NR2F1-AS1: variants seen among roughly 807,000 people sequenced by gnomAD.
NR2F1-AS1 encodes NR2F1 regulatory antisense RNA 1.
At chr5:93,562,183 C>CAAAAAAAAAA (rs750644394) in intron 2 of NR2F1-AS1, among the ~76,000 whole-genome samples, 10 of 50,318 alleles carry the variant, frequency 2.0e-4, no homozygotes, top group East Asian at 5.7e-4. Context: ...CCCATCTCTA[C>CAAAAAAAAAA]AAAAAAAAAA....
chr5:93,424,391 T>G (rs917947538), intron 4 of NR2F1-AS1, among the ~76,000 whole-genome samples: 1 of 151,958 alleles, frequency 6.6e-6, no homozygotes, highest in African/African-American at 2.4e-5. Context: ...TTTTTCTTAA[T>G]AGTATTAGTA....
intron 4 of NR2F1-AS1, among the ~76,000 whole-genome samples, chr5:93,425,896 G>C (rs1240298274): frequency 6.6e-6 from 1 of 151,954 alleles, no homozygotes; most frequent in Non-Finnish European, 1.5e-5. Context: ...CAAAGAACAG[G>C]CATTCAATAA....
chr5:93,580,746 T>C (rs1407772849), exon 1 of NR2F1-AS1: 3 of 152,388 alleles, frequency 2.0e-5, no homozygotes, highest in African/African-American at 4.8e-5. Context: ...CTTTTCTTTC[T>C]TTTCTTTTGG....
chr5:93,466,342 T>G (rs1750231914), intron 4 of NR2F1-AS1, among the ~76,000 whole-genome samples: 1 of 151,822 alleles, frequency 6.6e-6, no homozygotes, highest in Admixed American at 6.6e-5. Context: ...TTTTTTTTTT[T>G]TTTCTTGAGA....
At chr5:93,430,665 C>T (rs1471246547) in intron 4 of NR2F1-AS1, among the ~76,000 whole-genome samples, 1 of 152,016 alleles carries the variant, frequency 6.6e-6, no homozygotes, top group Non-Finnish European at 1.5e-5. Context: ...ATGGTGTGGC[C>T]CAGTAAACTT....
At chr5:93,492,971 A>T (rs891636899) in intron 4 of NR2F1-AS1, among the ~76,000 whole-genome samples, 1 of 152,144 alleles carries the variant, frequency 6.6e-6, no homozygotes, top group African/African-American at 2.4e-5. Flanking sequence ...TTCCCCTAAG[A>T]TCAGGAAGAA....
chr5:93,440,218 T>TCTCTCA lies in NR2F1-AS1; in HGVS notation n.639-44677_639-44676insTGAGAG, dbSNP rs1379862028. On this transcript the variant is annotated intron_variant and non_coding_transcript_variant, in intron 4 of 5. Transcript: ENST00000660523. Reference sequence around the variant, plus strand: ...GTCTCTCTCTCTCTCTCTCTCTCTCTCACACACACACACACACAGAGAAAG... The same window carrying TCTCTCA: ...GTCTCTCTCTCTCTCTCTCTCTCTCTCTCTCACACACACACACACACACAGAGAAAG... 5.2e-4 allele frequency among the ~76,000 whole-genome samples: 78 copies of TCTCTCA among 149,046 alleles called. 1 individual carries two copies. The highest frequency in any genetic ancestry group is 1.8e-3 in the African/African-American group (74 of 40,594).
At chr5:93,437,368 TG>T (rs1391834296) in intron 4 of NR2F1-AS1, among the ~76,000 whole-genome samples, 6 of 152,232 alleles carry the variant, frequency 3.9e-5, no homozygotes, top group African/African-American at 1.4e-4. Context: ...TTCGATATAT[TG>T]GGTTAAAGTA....
At chr5:93,549,201 T>C (rs2149911076) in intron 4 of NR2F1-AS1, among the ~76,000 whole-genome samples, 1 of 152,184 alleles carries the variant, frequency 6.6e-6, no homozygotes, top group Middle Eastern at 3.4e-3. Context: ...GAGAACAAAA[T>C]ACTAAGATAA....
At chr5:93,519,748 G>T (rs769147592) in intron 4 of NR2F1-AS1, among the ~76,000 whole-genome samples, 2 of 151,964 alleles carry the variant, frequency 1.3e-5, no homozygotes, top group Non-Finnish European at 2.9e-5. Flanking sequence ...TCCAAGAAAT[G>T]TGTGATCTTC....
intron 2 of NR2F1-AS1, among the ~76,000 whole-genome samples, chr5:93,557,162 A>T (rs1752375680): frequency 6.6e-6 from 1 of 152,216 alleles, no homozygotes; most frequent in South Asian, 2.1e-4. Context: ...AGATATTAGG[A>T]TAAGAGAGTA....
intron 4 of NR2F1-AS1, among the ~76,000 whole-genome samples, chr5:93,506,728 A>G (rs1337144218): frequency 2.0e-5 from 3 of 152,162 alleles, no homozygotes; most frequent in East Asian, 1.9e-4. Flanking sequence ...CCATGTTTCA[A>G]TTAGCTCCCC....
chr5:93,448,240 C>T (rs777135362), intron 4 of NR2F1-AS1, among the ~76,000 whole-genome samples: 1 of 152,048 alleles, frequency 6.6e-6, no homozygotes, highest in Non-Finnish European at 1.5e-5. Flanking sequence ...ACAGATTTCA[C>T]CACAACTTGT....
intron 4 of NR2F1-AS1, among the ~76,000 whole-genome samples, chr5:93,545,734 T>G: frequency 6.6e-6 from 1 of 152,242 alleles, no homozygotes; most frequent in East Asian, 1.9e-4. Flanking sequence ...TAACCTACTC[T>G]TCTTTTGTTG....
chr5:93,443,081 A>C (rs1398773352), intron 4 of NR2F1-AS1, among the ~76,000 whole-genome samples: 2 of 152,350 alleles, frequency 1.3e-5, no homozygotes, highest in South Asian at 2.1e-4. Flanking sequence ...AAAACCACAA[A>C]GATGAGGAGA....
At chr5:93,549,765 C>G (rs1256780798) in intron 4 of NR2F1-AS1, among the ~76,000 whole-genome samples, 2 of 152,156 alleles carry the variant, frequency 1.3e-5, no homozygotes, top group African/African-American at 4.8e-5. Context: ...ACATATACAC[C>G]ATGGAATACT....
intron 4 of NR2F1-AS1, among the ~76,000 whole-genome samples, chr5:93,532,397 C>CAG (rs151293926): frequency 6.6e-6 from 1 of 150,410 alleles, no homozygotes; most frequent in Non-Finnish European, 1.5e-5. Context: ...GACACCAAGA[C>CAG]AGAGAGAGAG....
At chr5:93,543,674 T>A (rs1326540503) in intron 4 of NR2F1-AS1, 1 of 152,200 alleles carries the variant, frequency 6.6e-6, no homozygotes, top group East Asian at 1.9e-4. Flanking sequence ...TCATATTTTA[T>A]CAATGGTAAC....
At chr5:93,518,613 G>T (rs1032485832) in intron 4 of NR2F1-AS1, among the ~76,000 whole-genome samples, 39 of 151,802 alleles carry the variant, frequency 2.6e-4, no homozygotes, top group African/African-American at 8.7e-4. Context: ...TATTTAAAAT[G>T]GTAACAATTA....
Sources: allele counts gnomAD v4.1 joint callset (sites outside exome capture counted in the v4.1 genomes callset), GRCh38; gene constraint gnomAD v4.1.1; transcripts MANE v1.5; gene names NCBI Gene and HGNC (gene_info 2026-07-23, HGNC 2026-07-21).